The following CRAMP1 variants were observed in gnomAD, a reference collection of about 807,000 sequenced individuals.
CRAMP1 encodes cramped chromatin regulator 1.
In CRAMP1, 50 loss-of-function variants were observed where a neutral mutation model predicts 115.4. The ratio of observed to expected loss-of-function variants is 0.43; its 90% CI spans 0.35 to 0.55. CRAMP1 has a LOEUF of 0.55. Ranked by LOEUF, CRAMP1 falls within the 20% of genes least tolerant of loss-of-function variation. The probability of loss-of-function intolerance (pLI) is 0.01; values close to 1 mark genes in which losing one functional copy is unlikely to be tolerated. For missense variants in CRAMP1, 1,679 were observed against 1,721.7 expected (o/e 0.98, Z 0.44); for synonymous variants, 866 against 745.4 (o/e 1.16, Z -2.64).
chr16:1,628,036 C>G (rs1006897856), intron 3 of CRAMP1, among the ~76,000 whole-genome samples: 1 of 152,188 alleles, frequency 6.6e-6, no homozygotes, highest in African/African-American at 2.4e-5. Context: ...ATGATCCACC[C>G]TTTACCCTTA....
At chr16:1,629,230 C>G (rs1314380854) in intron 3 of CRAMP1, among the ~76,000 whole-genome samples, 6 of 152,298 alleles carry the variant, frequency 3.9e-5, no homozygotes, top group African/African-American at 7.2e-5. Context: ...GCTCTGGCCT[C>G]TGTGCTTCGC....
chr16:1,627,205 G>A (rs2036515081), intron 3 of CRAMP1, among the ~76,000 whole-genome samples: 1 of 151,986 alleles, frequency 6.6e-6, no homozygotes, highest in Non-Finnish European at 1.5e-5. Context: ...GAGCGCAGTG[G>A]TGCAATCTGG....
intron 2 of CRAMP1, among the ~76,000 whole-genome samples, chr16:1,623,646 C>A (rs777657406): frequency 1.3e-5 from 2 of 152,102 alleles, no homozygotes; most frequent in Non-Finnish European, 2.9e-5. Context: ...GCTCTGAAAG[C>A]CTTTGTTGTG....
intron 2 of CRAMP1, among the ~76,000 whole-genome samples, chr16:1,617,501 G>A (rs2036431085): frequency 6.6e-6 from 1 of 152,236 alleles, no homozygotes; most frequent in African/African-American, 2.4e-5. Context: ...CATCTGGAGT[G>A]GTGAGCATCT....
Sources: allele counts gnomAD v4.1 joint callset (sites outside exome capture counted in the v4.1 genomes callset), GRCh38; gene constraint gnomAD v4.1.1; transcripts MANE v1.5; gene names NCBI Gene and HGNC (gene_info 2026-07-23, HGNC 2026-07-21).